NSMCE2: variants seen among roughly 807,000 people sequenced by gnomAD.
NSMCE2 encodes NSE2 SUMO ligase component of SMC5/6 complex.
A neutral mutation model predicts 23.8 loss-of-function variants in NSMCE2; 24 were observed. That is an observed-to-expected ratio of 1.01 (90% CI 0.73 to 1.42). The LOEUF (loss-of-function observed/expected upper bound fraction) is 1.42, where lower values mean the gene tolerates loss of function less well. Ranked by LOEUF, NSMCE2 falls within the 40% of genes most tolerant of loss-of-function variation. NSMCE2 has a pLI of 0.00. For missense variants in NSMCE2, 284 were observed against 296.5 expected (o/e 0.96, Z 0.31); for synonymous variants, 92 against 94.1 (o/e 0.98, Z 0.13).
At chr8:125,365,378 T>C (rs1813736645) in intron 7 of NSMCE2, among the ~76,000 whole-genome samples, 1 of 152,168 alleles carries the variant, frequency 6.6e-6, no homozygotes, top group South Asian at 2.1e-4. Flanking sequence ...CATACCACCC[T>C]CAGCCGAGCT....
chr8:125,119,943 TAA>T (rs1349115222), intron 3 of NSMCE2, among the ~76,000 whole-genome samples: 1 of 152,148 alleles, frequency 6.6e-6, no homozygotes, highest in Non-Finnish European at 1.5e-5. Context: ...ATTATTTATA[TAA>T]AGTGTTAGCC....
At chr8:125,262,096 C>CAAAATAAAATAAAATAAAAT (rs10654840) in intron 5 of NSMCE2, among the ~76,000 whole-genome samples, 181 of 143,010 alleles carry the variant, frequency 1.3e-3, no homozygotes, top group African/African-American at 2.8e-3. Context: ...GACTCTGTCT[C>CAAAATAAAATAAAATAAAAT]AAAATAAAAT....
chr8:125,192,547 A>G (rs1165840156), intron 5 of NSMCE2, among the ~76,000 whole-genome samples: 1 of 152,210 alleles, frequency 6.6e-6, no homozygotes, highest in African/African-American at 2.4e-5. Flanking sequence ...AAAACTGCGT[A>G]TAGAAATTCA....
At chr8:125,272,478 C>T (rs4534140) in intron 5 of NSMCE2, among the ~76,000 whole-genome samples, 95,233 of 149,720 alleles carry the variant, frequency 0.64, 32,562 homozygotes, top group Non-Finnish European at 0.76. Flanking sequence ...ATGACTAACC[C>T]GGCACATGGG....
rs181804596 is a variant in NSMCE2, at chr8:125,161,248, A to G, written c.264+9971A>G. ...CTTCTTTTGTGTTGTGGCCAGTGTG[A>G]TATTTAAACCACTAAAGCTTTAAGA... is the stretch of plus-strand genomic sequence containing the variant. On this transcript the variant is annotated intron_variant, in intron 4 of 7. Transcript: ENST00000287437. Among the ~76,000 whole-genome samples the G allele has an allele frequency of 2.0e-5, 3 of 152,234 alleles. No individual in the cohort carries two copies. In the East Asian group the frequency reaches 5.8e-4, roughly 29 times the overall value.
chr8:125,165,249 C>T (rs924661662), intron 4 of NSMCE2, among the ~76,000 whole-genome samples: 15 of 152,176 alleles, frequency 9.9e-5, no homozygotes, highest in Non-Finnish European at 2.1e-4. Context: ...TTTATGCCTT[C>T]AAAAGATGAG....
chr8:125,115,174 A>G (rs1818941651), intron 3 of NSMCE2, among the ~76,000 whole-genome samples: 1 of 152,216 alleles, frequency 6.6e-6, no homozygotes, highest in Non-Finnish European at 1.5e-5. Flanking sequence ...GTTGGATTGT[A>G]GAAGCCACGG....
At chr8:125,338,378 A>G (rs1830129626) in intron 5 of NSMCE2, among the ~76,000 whole-genome samples, 1 of 151,514 alleles carries the variant, frequency 6.6e-6, no homozygotes, top group Admixed American at 6.6e-5. Flanking sequence ...TTCCTGCAGG[A>G]TCTCCCAAAA....
chr8:125,185,000 C>T (rs1823025583), intron 5 of NSMCE2, among the ~76,000 whole-genome samples: 1 of 152,176 alleles, frequency 6.6e-6, no homozygotes. Flanking sequence ...TTATGGTCTA[C>T]ATAGATCCAA....
chr8:125,122,440 A>T (rs1278669507), intron 3 of NSMCE2, among the ~76,000 whole-genome samples: 1 of 152,120 alleles, frequency 6.6e-6, no homozygotes, highest in Non-Finnish European at 1.5e-5. Context: ...AAGGTGCATG[A>T]TGTCACTGGC....
chr8:125,253,168 T>A (rs1280206726), intron 5 of NSMCE2, among the ~76,000 whole-genome samples: 1 of 152,202 alleles, frequency 6.6e-6, no homozygotes, highest in Non-Finnish European at 1.5e-5. Context: ...AGATTATATC[T>A]GAAATAGGCA....
intron 3 of NSMCE2, among the ~76,000 whole-genome samples, chr8:125,126,686 G>T (rs933267858): frequency 6.6e-6 from 1 of 152,132 alleles, no homozygotes; most frequent in Non-Finnish European, 1.5e-5. Flanking sequence ...AACAATTTTG[G>T]AATCAGGTCG....
intron 5 of NSMCE2, among the ~76,000 whole-genome samples, chr8:125,296,482 A>C (rs1056502736): frequency 5.4e-5 from 8 of 149,434 alleles, no homozygotes; most frequent in Non-Finnish European, 8.9e-5. Flanking sequence ...GCGACCTCCA[A>C]CTCCCAGGTT....
intron 5 of NSMCE2, among the ~76,000 whole-genome samples, chr8:125,202,549 A>G (rs1823931471): frequency 6.6e-6 from 1 of 152,240 alleles, no homozygotes; most frequent in East Asian, 1.9e-4. Context: ...ATTTTTATGC[A>G]AAGTATAGTA....
chr8:125,275,202 TTCTC>T (rs1450328702), intron 5 of NSMCE2, among the ~76,000 whole-genome samples: 2 of 152,024 alleles, frequency 1.3e-5, no homozygotes, highest in Admixed American at 6.6e-5. Context: ...GAGAATGTCT[TTCTC>T]TCACTCCATT....
intron 3 of NSMCE2, among the ~76,000 whole-genome samples, chr8:125,120,538 C>A (rs1000256206): frequency 1.3e-5 from 2 of 152,188 alleles, no homozygotes; most frequent in African/African-American, 2.4e-5. Flanking sequence ...ACAGTACTTT[C>A]ATATTTTGTG....
At chr8:125,291,423 C>T (rs1202392579) in intron 5 of NSMCE2, among the ~76,000 whole-genome samples, 1 of 152,114 alleles carries the variant, frequency 6.6e-6, no homozygotes, top group East Asian at 1.9e-4. Flanking sequence ...TTGGTAAACT[C>T]TTAGCCTGGA....
chr8:125,267,537 G>A (rs1193034576), intron 5 of NSMCE2, among the ~76,000 whole-genome samples: 1 of 152,190 alleles, frequency 6.6e-6, no homozygotes, highest in Non-Finnish European at 1.5e-5. Flanking sequence ...TATGATCCTA[G>A]CACTTTGGAA....
chr8:125,134,972 A>G (rs1045721553), intron 3 of NSMCE2, among the ~76,000 whole-genome samples: 3 of 152,072 alleles, frequency 2.0e-5, no homozygotes, highest in Non-Finnish European at 4.4e-5. Context: ...CAGTGGCTCA[A>G]TATTGGCTTA....
Sources: allele counts gnomAD v4.1 joint callset (sites outside exome capture counted in the v4.1 genomes callset), GRCh38; gene constraint gnomAD v4.1.1; transcripts MANE v1.5; gene names NCBI Gene and HGNC (gene_info 2026-07-23, HGNC 2026-07-21).